Variants in TSNARE1 observed in about 807,000 individuals in gnomAD.
The protein encoded by TSNARE1 is t-SNARE domain-containing protein 1.
In TSNARE1, 49 loss-of-function variants were observed where a neutral mutation model predicts 62.0. The ratio of observed to expected loss-of-function variants is 0.79; its 90% confidence interval spans 0.63 to 1.00. The LOEUF (loss-of-function observed/expected upper bound fraction) is 1.00. TSNARE1 is among the 50% of genes least tolerant of loss of function. TSNARE1 has a pLI of 0.00. For missense variants in TSNARE1, 755 were observed against 700.1 expected (o/e 1.08, Z -0.88); for synonymous variants, 328 against 294.4 (o/e 1.11, Z -1.17).
At chr8:142,214,071 G>T (rs903700735) in intron 13 of TSNARE1, among the ~76,000 whole-genome samples, 2 of 152,310 alleles carry the variant, frequency 1.3e-5, no homozygotes, top group Non-Finnish European at 2.9e-5. Context: ...GGTCCTCAGG[G>T]CTGGCAAGAG....
At chr8:142,225,562 C>T (rs1816734747) in intron 13 of TSNARE1, among the ~76,000 whole-genome samples, 2 of 152,174 alleles carry the variant, frequency 1.3e-5, no homozygotes, top group Admixed American at 1.3e-4. Context: ...CTCCCCTCTG[C>T]CTTCTGACCA....
At chr8:142,377,831 A>T (rs1051201713) in intron 1 of TSNARE1, among the ~76,000 whole-genome samples, 5 of 152,238 alleles carry the variant, frequency 3.3e-5, no homozygotes, top group African/African-American at 9.6e-5. Context: ...AGTAGCTGGA[A>T]ACGTCCTAAA....
intron 1 of TSNARE1, among the ~76,000 whole-genome samples, chr8:142,370,360 G>C (rs1312080504): frequency 6.6e-6 from 1 of 152,200 alleles, no homozygotes; most frequent in Admixed American, 6.5e-5. Context: ...CTTGAGGCCA[G>C]AAGTTCAAGA....
rs1829057297 is a variant in TSNARE1, at chr8:142,319,040, G to A, written c.894-406C>T. On this transcript the variant is annotated intron_variant, in intron 6 of 13. Transcript: ENST00000524325. This position sits in a 1 kb window ranked among gnomAD's most constrained non-coding sequence, Gnocchi z 4.9. ...AGACACACAGCAAGAGGCAGTGGGG[G>A]CAGAAAGGCAGGCAGAGAGAGACGG... Among the ~76,000 whole-genome samples, 2 of 151,726 alleles carry A rather than the reference G, an allele frequency of 1.3e-5. No homozygotes were observed. Among genetic ancestry groups the A allele is most frequent in the African/African-American group, 4.8e-5 (2 of 41,262 alleles).
chr8:142,388,008 A>C (rs1188235888), intron 1 of TSNARE1, among the ~76,000 whole-genome samples: 1 of 152,228 alleles, frequency 6.6e-6, no homozygotes, highest in East Asian at 1.9e-4. Flanking sequence ...AAAATCAATT[A>C]AATATCAGCA....
rs368423066 is a variant in TSNARE1 at position 142,372,046 on chromosome 8, T to G, written c.-39-17283A>C. 2.6e-5 allele frequency among the ~76,000 whole-genome samples: 4 copies of G among 152,278 alleles called. No individual in the cohort carries two copies. In the East Asian group the frequency reaches 7.7e-4, roughly 29 times the overall value. On this transcript the variant is annotated intron_variant, in intron 1 of 13. Coordinates refer to ENST00000524325, the MANE Select transcript of TSNARE1 (RefSeq NM_145003.5). ...AGCAAATGGAAGAACAGGGTTGCCA[T>G]CAACCAAGGAGACGAAGGCTGTGAG...
chr8:142,278,226 C>T, intron 11 of TSNARE1: 1 of 985,458 alleles, frequency 1.0e-6, no homozygotes, highest in South Asian at 4.7e-5. Context: ...GCTGGGTCTA[C>T]ATGCGTCTCC....
intron 12 of TSNARE1, among the ~76,000 whole-genome samples, chr8:142,250,468 G>A (rs1818108708): frequency 1.3e-5 from 2 of 152,144 alleles, no homozygotes; most frequent in South Asian, 4.1e-4. Flanking sequence ...AGGGAAAACA[G>A]CCATCAGCGT....
intron 12 of TSNARE1, chr8:142,269,498 G>A: frequency 1.0e-6 from 1 of 985,386 alleles, no homozygotes; most frequent in Non-Finnish European, 1.2e-6. Flanking sequence ...TATTTATTAA[G>A]CTTTATTTTC....
At chr8:142,277,325 G>A (rs754321255) in intron 11 of TSNARE1, 31 of 985,270 alleles carry the variant, frequency 3.1e-5, no homozygotes, top group Non-Finnish European at 3.7e-5. Context: ...CACTCGCAGA[G>A]CAGCACACAC....
At chr8:142,269,955 G>A (rs1025432172) in intron 12 of TSNARE1, 1 of 985,452 alleles carries the variant, frequency 1.0e-6, no homozygotes. Flanking sequence ...CTGCTCTCAG[G>A]GATGCTGTAG....
At chr8:142,288,219 C>T (rs996382824) in intron 10 of TSNARE1, among the ~76,000 whole-genome samples, 5 of 152,314 alleles carry the variant, frequency 3.3e-5, no homozygotes, top group Middle Eastern at 3.4e-3. Flanking sequence ...GCGGCTGGGG[C>T]GGGGTGGAAG....
At chr8:142,381,947 C>T (rs866626426) in intron 1 of TSNARE1, among the ~76,000 whole-genome samples, 67 of 152,300 alleles carry the variant, frequency 4.4e-4, no homozygotes, top group Middle Eastern at 6.8e-3. Flanking sequence ...CAGACGCTGC[C>T]CAGTCCTCCC....
chr8:142,349,756 G>A (rs10448127), intron 2 of TSNARE1, among the ~76,000 whole-genome samples: 31,735 of 152,148 alleles, frequency 0.21, 3,568 homozygotes, highest in African/African-American at 0.28. Flanking sequence ...CACGGGTGTC[G>A]ACACATCCAT....
chr8:142,342,527 G>C (rs1832722779), intron 4 of TSNARE1, among the ~76,000 whole-genome samples: 3 of 152,068 alleles, frequency 2.0e-5, no homozygotes, highest in Admixed American at 2.0e-4. Flanking sequence ...TGTCCAGGCA[G>C]CTTCCACACC....
intron 11 of TSNARE1, among the ~76,000 whole-genome samples, chr8:142,282,564 T>C (rs1806561718): frequency 6.6e-6 from 1 of 150,786 alleles, no homozygotes; most frequent in Admixed American, 6.6e-5. Flanking sequence ...GACCAGTGTC[T>C]GTCAATGAGC....
chr8:142,290,130 G>C (rs543395513), intron 10 of TSNARE1, among the ~76,000 whole-genome samples: 1 of 152,208 alleles, frequency 6.6e-6, no homozygotes, highest in Non-Finnish European at 1.5e-5. Flanking sequence ...GCTCCCCCAC[G>C]GGCCTAGGTG....
At chr8:142,285,104 C>T (rs1402435791) in intron 10 of TSNARE1, among the ~76,000 whole-genome samples, 5 of 151,796 alleles carry the variant, frequency 3.3e-5, no homozygotes, top group East Asian at 2.0e-4. Context: ...TGGACAGATG[C>T]GTGAATAGGT....
intron 13 of TSNARE1, among the ~76,000 whole-genome samples, chr8:142,223,291 C>CAGTCACTCACTCAT: frequency 8.3e-6 from 1 of 119,844 alleles, no homozygotes; most frequent in Non-Finnish European, 1.8e-5. Context: ...CACTCATACT[C>CAGTCACTCACTCAT]ACTCAACCAC....
Sources: allele counts gnomAD v4.1 joint callset (sites outside exome capture counted in the v4.1 genomes callset), GRCh38; gene constraint gnomAD v4.1.1; non-coding constraint Gnocchi (gnomAD v3.1); transcripts MANE v1.5; gene names NCBI Gene and HGNC (gene_info 2026-07-23, HGNC 2026-07-21).